DNMT3A: variants seen among roughly 807,000 people sequenced by gnomAD.
DNMT3A encodes the protein DNA methyltransferase 3 alpha, also known as DNA (cytosine-5)-methyltransferase 3A.
A neutral mutation model predicts 117.6 loss-of-function variants in DNMT3A; 267 were observed. That is an observed-to-expected ratio of 2.27 (90% CI 2.05 to 2.51). The LOEUF (loss-of-function observed/expected upper bound fraction) is 2.51, where lower values mean the gene tolerates loss of function less well. DNMT3A is among the 30% of genes most tolerant of loss of function. DNMT3A has a pLI of 0.00. For missense variants in DNMT3A, 1,029 were observed against 1,260.2 expected, an observed-to-expected ratio of 0.82 and a Z score of 2.78; for synonymous variants, 432 against 474.8, an observed-to-expected ratio of 0.91 and a Z score of 1.17.
rs1422384382 is a variant in DNMT3A, at chr2:25,339,824, C to T, written c.-178+2002G>A. 6.6e-6 allele frequency among the ~76,000 whole-genome samples: 1 copy of T among 152,256 alleles called. No individual in the cohort carries two copies. The highest frequency in any genetic ancestry group is 1.5e-5 in the Non-Finnish European group (1 of 68,038). The stretch of plus-strand genomic sequence containing the variant: ...AAATCCCACAGGCCAGTCCTAACAC[C>T]CAGGCAATAGCAAGGCGAATAGCTC... On this transcript the variant is annotated intron_variant, in intron 1 of 22. Coordinates refer to ENST00000321117, the MANE Select transcript of DNMT3A (RefSeq NM_022552.5). The surrounding 1 kb of genome is among the most constrained non-coding windows in gnomAD (Gnocchi z 4.9).
chr2:25,331,534 G>C (rs908534702), intron 1 of DNMT3A, among the ~76,000 whole-genome samples: 1 of 152,220 alleles, frequency 6.6e-6, no homozygotes, highest in Non-Finnish European at 1.5e-5. Context: ...TTCTCAGACG[G>C]TGATGATGCT....
intron 6 of DNMT3A, among the ~76,000 whole-genome samples, chr2:25,253,684 T>G (rs940390645): frequency 6.6e-6 from 1 of 152,216 alleles, no homozygotes; most frequent in Non-Finnish European, 1.5e-5. Context: ...ATCAGCCTAG[T>G]TGCCGTTGGC....
rs1402705749 is a variant in DNMT3A at position 25,247,718 on chromosome 2, A to C, written c.887T>G (p.Val296Gly). The C allele has an allele frequency of 1.2e-6, 2 of 1,612,572 alleles. No individual in the cohort carries two copies. Among genetic ancestry groups the C allele is most frequent in the Non-Finnish European group, 1.7e-6 (2 of 1,179,878 alleles). Residue 296 changes from valine to glycine, a missense_variant, in exon 8 of 23, where the codon GTG (valine) becomes GGG (glycine). Transcript: ENST00000321117. The surrounding 1 kb of genome is among the most constrained non-coding windows in gnomAD (Gnocchi z 5.6). The part of the protein sequence containing the change: ...DGRGFGIGEL[V>G]WGKLRGFSWW... The stretch of plus-strand genomic sequence containing the variant: ...GGAGAAGCCCCGCAGTTTCCCCCAC[A>C]CCAGCTCCCCAATGCCAAAGCCCCG...
chr2:25,302,887 A>G (rs2033594089), intron 2 of DNMT3A, among the ~76,000 whole-genome samples: 1 of 152,218 alleles, frequency 6.6e-6, no homozygotes, highest in Non-Finnish European at 1.5e-5. Flanking sequence ...GTCATGGAAA[A>G]AGCAAAGTGG....
intron 6 of DNMT3A, among the ~76,000 whole-genome samples, chr2:25,267,182 C>A (rs1045365352): frequency 3.3e-5 from 5 of 152,082 alleles, no homozygotes; most frequent in Non-Finnish European, 5.9e-5. Context: ...AAAAAAGAAC[C>A]CCTGAAGCAA....
In DNMT3A at chr2:25,248,188, TC is replaced by T. The variant is rs1301352218; in HGVS notation, c.703del (p.Glu235SerfsTer81). ...NAVEENQGPGESQKVEEASPP... is the reference protein window; with the variant it reads ...NAVEENQGPGXSQKVEEASPP... ...GCTGGCCTCCTCCACCTTCTGAGAC[TC>T]CCCGGGCCCCTGGTTTTCTTCCACA... On this transcript the variant is annotated frameshift_variant, in exon 7 of 23. Coordinates refer to ENST00000321117, the MANE Select transcript of DNMT3A (RefSeq NM_022552.5). LOFTEE classifies it high-confidence loss of function. 3 of 1,613,344 alleles carry T rather than the reference TC, an allele frequency of 1.9e-6. No homozygotes were observed. Among genetic ancestry groups the T allele is most frequent in the Non-Finnish European group, 2.5e-6 (3 of 1,179,788 alleles).
Position 25,300,724 on chromosome 2 carries a change from T to TAC in DNMT3A, c.73-482_73-481insGT, listed in dbSNP as rs1558722823. On this transcript the variant is annotated intron_variant, in intron 2 of 22. Transcript: ENST00000321117. ...ATCTAAATAATATAATATATATATATATATATATATATATATATATATATA... is the reference window on the plus strand; with the variant it reads ...ATCTAAATAATATAATATATATATATACATATATATATATATATATATATATA... Among the ~76,000 whole-genome samples the TAC allele has an allele frequency of 8.9e-3, 165 of 18,598 alleles. 12 individuals carry two copies. Among genetic ancestry groups the TAC allele is most frequent in the African/African-American group, 0.043 (145 of 3,346 alleles). 12.2% of individuals were successfully genotyped at this position (18,598 alleles called of 152,430 possible). A position where few individuals can be genotyped will look rare whatever the true frequency, so the allele number is the denominator to read the frequency against.
At chr2:25,278,285 C>T (rs889491187) in intron 4 of DNMT3A, among the ~76,000 whole-genome samples, 16 of 152,174 alleles carry the variant, frequency 1.1e-4, no homozygotes, top group African/African-American at 3.6e-4. Flanking sequence ...CACTCGCCTT[C>T]GAGTCTGAGC....
chr2:25,297,113 C>T lies in DNMT3A; in HGVS notation c.177+3026G>A, dbSNP rs545213720. Reference sequence around the variant, plus strand: ...GGAGGGGAAGAGGCCAGGACCAGCACCTGCGACCACAAGGGCTGAGCCTTG... The same window carrying T: ...GGAGGGGAAGAGGCCAGGACCAGCATCTGCGACCACAAGGGCTGAGCCTTG... On this transcript the variant is annotated intron_variant, in intron 3 of 22. Transcript: ENST00000321117. Among the ~76,000 whole-genome samples the T allele has an allele frequency of 5.3e-5, 8 of 152,284 alleles. No homozygotes were observed. The South Asian group carries it at 1.7e-3, about 32-fold the overall frequency.
At position 25,282,063 on chromosome 2, in the gene DNMT3A, C is replaced by T. The variant is rs1472846192; in HGVS notation, c.448+378G>A. On this transcript the variant is annotated intron_variant, in intron 4 of 22. Transcript: ENST00000321117. This position sits in a 1 kb window ranked among gnomAD's most constrained non-coding sequence, Gnocchi z 5.2. ...GGTAGAGCTGCAGAAAACTAAGGCC[C>T]ACAACCAGCCACAGAAGGCGATGGA... 1 of 1,151,374 alleles carries T rather than the reference C, an allele frequency of 8.7e-7. No individual in the cohort carries two copies. Among genetic ancestry groups the T allele is most frequent in the Non-Finnish European group, 1.1e-6 (1 of 923,890 alleles). The allele number at this position is 1,151,374 out of a possible 1,614,324, so 71.3% of individuals were successfully genotyped here.
Position 25,311,855 on chromosome 2 carries a change from A to C in DNMT3A, c.72+2058T>G, listed in dbSNP as rs1192827518. On this transcript the variant is annotated intron_variant, in intron 2 of 22. Transcript: ENST00000321117. This position sits in a 1 kb window ranked among gnomAD's most constrained non-coding sequence, Gnocchi z 5.2. ...AGTAAGTGGCATACTCAGGACTAGG[A>C]CCTGGGATTTCTGACTCCTGGTCCA... is the stretch of plus-strand genomic sequence containing the variant. 6.6e-6 allele frequency among the ~76,000 whole-genome samples: 1 copy of C among 152,096 alleles called. No individual in the cohort carries two copies. The highest frequency in any genetic ancestry group is 1.5e-5 in the Non-Finnish European group (1 of 68,008).
chr2:25,307,600 T>C (rs1421135156), intron 2 of DNMT3A, among the ~76,000 whole-genome samples: 1 of 151,880 alleles, frequency 6.6e-6, no homozygotes. Context: ...CAAGTAGCTG[T>C]GATTACAGGC....
In DNMT3A at chr2:25,252,405, G is replaced by A. The variant is rs932619307; in HGVS notation, c.640-4153C>T. 29 of 519,274 alleles carry A rather than the reference G, an allele frequency of 5.6e-5. No homozygotes were observed. Among genetic ancestry groups the A allele is most frequent in the African/African-American group, 3.2e-4 (16 of 49,856 alleles). 32.2% of individuals were successfully genotyped at this position (519,274 alleles called of 1,614,324 possible). Reference sequence around the variant, plus strand: ...CAGGTCACGTGGGCCCCGCTGGAGGGCCTGGTTGGCTGCGAGCGGCCCGGG... The same window carrying A: ...CAGGTCACGTGGGCCCCGCTGGAGGACCTGGTTGGCTGCGAGCGGCCCGGG... On this transcript the variant is annotated intron_variant, in intron 6 of 22. Transcript: ENST00000321117. The surrounding 1 kb of genome is among the most constrained non-coding windows in gnomAD (Gnocchi z 5.5).
chr2:25,292,863 G>A (rs1176975371), intron 3 of DNMT3A, among the ~76,000 whole-genome samples: 1 of 152,142 alleles, frequency 6.6e-6, no homozygotes, highest in Non-Finnish European at 1.5e-5. Context: ...CCTGCAACAG[G>A]AGGAACAATG....
intron 3 of DNMT3A, among the ~76,000 whole-genome samples, chr2:25,295,359 T>G (rs2033028396): frequency 6.6e-6 from 1 of 152,226 alleles, no homozygotes; most frequent in South Asian, 2.1e-4. Context: ...GACTTCCTGT[T>G]TCCTGTTGCC....
chr2:25,302,506 C>T (rs977413611), intron 2 of DNMT3A, among the ~76,000 whole-genome samples: 6 of 152,186 alleles, frequency 3.9e-5, no homozygotes, highest in Non-Finnish European at 5.9e-5. Flanking sequence ...GCCCCGAGGC[C>T]GGAGATCCTT....
rs946451078 is a variant in DNMT3A, at chr2:25,234,475, C to T, written c.2598-55G>A. On this transcript the variant is annotated intron_variant, in intron 22 of 22. Transcript: ENST00000321117. This position sits in a 1 kb window ranked among gnomAD's most constrained non-coding sequence, Gnocchi z 4.5. ...TGAGTGCTGGCCAGACCAGGCTGCC[C>T]GGAAGCCGTCTAACCACACAGCAGG... 3.5e-5 allele frequency: 55 copies of T among 1,561,830 alleles called. No homozygotes were observed. The highest frequency in any genetic ancestry group is 9.5e-5 in the African/African-American group (7 of 73,616).
intron 4 of DNMT3A, among the ~76,000 whole-genome samples, chr2:25,280,009 G>C (rs2031767111): frequency 6.6e-6 from 1 of 152,060 alleles, no homozygotes; most frequent in Admixed American, 6.6e-5. Flanking sequence ...AAATTTTGGA[G>C]GTCAAGGAGA....
chr2:25,332,880 G>T (rs59106774), intron 1 of DNMT3A, among the ~76,000 whole-genome samples: 2,532 of 152,326 alleles, frequency 0.017, 63 homozygotes, highest in African/African-American at 0.057. Context: ...CTGCCAGGCC[G>T]GGCTGTGGTC....
Sources: allele counts gnomAD v4.1 joint callset (sites outside exome capture counted in the v4.1 genomes callset), GRCh38; gene constraint gnomAD v4.1.1; non-coding constraint Gnocchi (gnomAD v3.1); transcripts MANE v1.5; gene names NCBI Gene and HGNC (gene_info 2026-07-23, HGNC 2026-07-21).